The following FLAD1 variants were observed in gnomAD, a reference collection of about 807,000 sequenced individuals.
The protein encoded by FLAD1 is flavin adenine dinucleotide synthetase 1, also known as bifunctional FAD diphosphatase/FAD synthase.
FLAD1 carries 35 observed loss-of-function variants against 55.0 expected under a neutral mutation model. That is an observed-to-expected ratio of 0.64 (90% CI 0.49 to 0.84). FLAD1 has a LOEUF of 0.84. FLAD1 is among the 40% of genes least tolerant of loss of function. FLAD1 has a pLI of 0.00. For missense variants in FLAD1, 665 were observed against 742.6 expected (o/e 0.90, Z 1.21); for synonymous variants, 267 against 303.0 (o/e 0.88, Z 1.23).
At chr1:154,991,230 ATATATATATATG>A (rs1303474570) in intron 5 of FLAD1, 9 of 127,438 alleles carry the variant, frequency 7.1e-5, no homozygotes, top group Non-Finnish European at 1.3e-4. Flanking sequence ...AAAAAAATAT[ATATATATATATG>A]TATATATATA....
intron 1 of FLAD1, 132 bp downstream of exon 1, chr1:154,984,198 C>T (rs1657460489): frequency 1.4e-6 from 1 of 738,402 alleles, no homozygotes; most frequent in Non-Finnish European, 1.9e-6. Flanking sequence ...TGGAGTGAAT[C>T]CAGCATATTG....
At chr1:154,985,123 C>T (rs1343628620) in intron 1 of FLAD1, among the ~76,000 whole-genome samples, 3 of 146,836 alleles carry the variant, frequency 2.0e-5, no homozygotes, top group Non-Finnish European at 1.5e-5. Flanking sequence ...TCAAGCAATC[C>T]TCCCACACCT....
rs761846561 is a variant in FLAD1, at chr1:154,990,250, A to C, written c.1357A>C (p.Ile453Leu). The change falls in exon 4 of 7, where the codon ATC (isoleucine) becomes CTC (leucine). Residue 453 changes from isoleucine (I) to leucine (L), a missense_variant. Transcript: ENST00000292180. ...PELEQFLQDT[I>L]KRYNLQMLEA... ...GCTGGAACAGTTTCTACAGGACACT[A>C]TCAAGAGGTACTAGGGGCCTGGAGG... 1.9e-6 allele frequency: 3 copies of C among 1,613,864 alleles called. No homozygotes were observed. The highest frequency in any genetic ancestry group is 2.5e-6 in the Non-Finnish European group (3 of 1,179,880).
At chr1:154,985,547 C>T (rs1258927470) in intron 1 of FLAD1, among the ~76,000 whole-genome samples, 1 of 151,664 alleles carries the variant, frequency 6.6e-6, no homozygotes, top group African/African-American at 2.4e-5. Context: ...GGACTACAGG[C>T]ATGTGCCACC....
chr1:154,988,151 G>C lies in FLAD1; in HGVS notation c.419G>C (p.Arg140Pro). The change falls in exon 2 of 7, where the codon CGC becomes CCC. Residue 140 changes from arginine (R) to proline (P), a missense_variant. By Grantham distance (103) the Arg-to-Pro change is moderately radical. Coordinates refer to ENST00000292180, the MANE Select transcript of FLAD1 (RefSeq NM_025207.5). ...TNTFFLCRTL[R>P]SLGVQVCRVS... is the part of the protein sequence containing the mutation. ...ACCTTCTTTCTGTGCCGGACACTGC[G>C]CTCCCTAGGGGTCCAGGTTTGCCGA... 6.2e-7 allele frequency: 1 copy of C among 1,614,176 alleles called. No homozygotes were observed. Among genetic ancestry groups the C allele is most frequent in the Non-Finnish European group, 8.5e-7 (1 of 1,180,044 alleles).
chr1:154,983,734 G>A lies in FLAD1; in HGVS notation c.40G>A (p.Glu14Lys), dbSNP rs768761180. The A allele has an allele frequency of 6.2e-6, 10 of 1,613,902 alleles. No homozygotes were observed. In the African/African-American group the frequency reaches 1.1e-4, roughly 17 times the overall value. ...GGGAACACGTTTATTCCAGAGGCAGGAACAAAGGAGTCGCTTGTCAAGGAT... is the reference window on the plus strand; with the variant it reads ...GGGAACACGTTTATTCCAGAGGCAGAAACAAAGGAGTCGCTTGTCAAGGAT... ...DLGTRLFQRQ[E>K]QRSRLSRIWL... Residue 14 changes from glutamate (E) to lysine (K), a missense_variant, in exon 1 of 7, where the codon GAA (glutamate) becomes AAA (lysine). Transcript: ENST00000292180.
rs1337231117 is a variant in FLAD1 at position 154,989,670 on chromosome 1, A to G, written c.1228A>G (p.Thr410Ala). The G allele has an allele frequency of 8.2e-6, 13 of 1,586,484 alleles. No homozygotes were observed. Among genetic ancestry groups the G allele is most frequent in the East Asian group, 4.6e-5 (2 of 43,624 alleles). Residue 410 changes from threonine to alanine, a missense_variant, in exon 3 of 7, where the codon ACT becomes GCT. Transcript: ENST00000292180. ...GGGCTTCAACGGGGGCAAAGACTGCACTGCCCTCCTGCACCTCTTCCATGC... is the reference window on the plus strand; with the variant it reads ...GGGCTTCAACGGGGGCAAAGACTGCGCTGCCCTCCTGCACCTCTTCCATGC... Reference protein sequence around the residue: ...CVGFNGGKDCTALLHLFHAAV... With the variant: ...CVGFNGGKDCAALLHLFHAAV...
At position 154,992,884 on chromosome 1, in the gene FLAD1, C is replaced by T; in HGVS notation, c.1629-18C>T. 1.2e-6 allele frequency: 2 copies of T among 1,614,032 alleles called. No homozygotes were observed. The highest frequency in any genetic ancestry group is 1.7e-6 in the Non-Finnish European group (2 of 1,179,976). On this transcript the variant is annotated intron_variant, in intron 6 of 6. Transcript: ENST00000292180. ...GCCCACCCTACCACATGCTTGCCCTCCACCCTCCCTGCTCCAGATACACAT... is the reference window on the plus strand; with the variant it reads ...GCCCACCCTACCACATGCTTGCCCTTCACCCTCCCTGCTCCAGATACACAT...
intron 2 of FLAD1, 125 bp from the exon 3 acceptor site, chr1:154,989,435 G>T: frequency 9.6e-7 from 1 of 1,043,394 alleles, no homozygotes. Flanking sequence ...GCATGAAGGA[G>T]TTTGGACTTT....
Position 154,992,975 on chromosome 1 carries a change from C to G in FLAD1, c.1702C>G (p.Pro568Ala). ...GAAGTGCCTGAGCCCAGGAGGACAC[C>G]CCACATACCGTCCAGCCTATCTACT... is the stretch of plus-strand genomic sequence containing the variant. ...ALKCLSPGGH[P>A]TYRPAYLLEN... is the part of the protein sequence containing the mutation. Residue 568 changes from proline to alanine, a missense_variant, in exon 7 of 7, where the codon CCC becomes GCC. By Grantham distance (27) the Pro-to-Ala change is conservative. Transcript: ENST00000292180. The G allele has an allele frequency of 6.2e-7, 1 of 1,614,020 alleles. No individual in the cohort carries two copies. Among genetic ancestry groups the G allele is most frequent in the Non-Finnish European group, 8.5e-7 (1 of 1,179,996 alleles).
At position 154,990,411 on chromosome 1, in the gene FLAD1, C is replaced by G. The variant is rs1332278485; in HGVS notation, c.1437C>G (p.Pro479=). 2 of 1,614,140 alleles carry G rather than the reference C, an allele frequency of 1.2e-6. No individual in the cohort carries two copies. The highest frequency in any genetic ancestry group is 1.7e-6 in the Non-Finnish European group (2 of 1,180,016). ...QALGELQARH[P]QLEAVLMGTR... ...TGGGTGAACTGCAGGCACGGCACCC[C>G]CAGCTGGAGGCTGTCCTTATGGGCA... Residue 479 remains proline, a synonymous_variant, in exon 5 of 7, where the codon CCC becomes CCG. Coordinates refer to ENST00000292180, the MANE Select transcript of FLAD1 (RefSeq NM_025207.5).
At chr1:154,992,822 T>C in intron 6 of FLAD1, 36 bp downstream of exon 6, 1 of 1,613,102 alleles carries the variant, frequency 6.2e-7, no homozygotes, top group Non-Finnish European at 8.5e-7. Flanking sequence ...GGTAAGGGAG[T>C]TTTTAGGGTG....
At position 154,988,255 on chromosome 1, in the gene FLAD1, A is replaced by G. The variant is rs752662832; in HGVS notation, c.523A>G (p.Thr175Ala). 1 of 1,614,162 alleles carries G rather than the reference A, an allele frequency of 6.2e-7. No homozygotes were observed. The highest frequency in any genetic ancestry group is 8.5e-7 in the Non-Finnish European group (1 of 1,180,010). Residue 175 changes from threonine (T) to alanine (A), a missense_variant, in exon 2 of 7, where the codon ACA (threonine) becomes GCA (alanine). Thr to Ala is a moderately conservative substitution (Grantham distance 58). Transcript: ENST00000292180. Reference sequence around the variant, plus strand: ...CTCCAACCGCTTCACCCATGTCCTCACAGCAGGGGGCATCGGCCCCACTCA... The same window carrying G: ...CTCCAACCGCTTCACCCATGTCCTCGCAGCAGGGGGCATCGGCCCCACTCA... ...SFSNRFTHVL[T>A]AGGIGPTHDD...
At position 154,983,907 on chromosome 1, in the gene FLAD1, C is replaced by A; in HGVS notation, c.213C>A (p.Gly71=). ...YGPQCPVDLA[G]PPCLRPLFGG... ...CCCAGTGCCCTGTAGACCTGGCAGGCCCCCCGTGCTTGCGACCCCTATTTG... is the reference window on the plus strand; with the variant it reads ...CCCAGTGCCCTGTAGACCTGGCAGGACCCCCGTGCTTGCGACCCCTATTTG... Residue 71 remains glycine, a synonymous_variant, in exon 1 of 7, where the codon GGC becomes GGA. Coordinates refer to ENST00000292180, the MANE Select transcript of FLAD1 (RefSeq NM_025207.5). The A allele has an allele frequency of 6.2e-7, 1 of 1,611,532 alleles. No homozygotes were observed. Among genetic ancestry groups the A allele is most frequent in the Non-Finnish European group, 8.5e-7 (1 of 1,178,522 alleles).
At chr1:154,988,905 A>C (rs1253168862) in intron 2 of FLAD1, 56 bp downstream of exon 2, 4 of 1,607,280 alleles carry the variant, frequency 2.5e-6, no homozygotes, top group Non-Finnish European at 3.4e-6. Flanking sequence ...GGCACCCCAG[A>C]TCTCAGTAAT....
chr1:154,992,330 C>G (rs1657912328), intron 5 of FLAD1, among the ~76,000 whole-genome samples: 1 of 151,050 alleles, frequency 6.6e-6, no homozygotes, highest in South Asian at 2.1e-4. Flanking sequence ...GTAGTGCCAG[C>G]TACTCGGGAG....
chr1:154,991,198 C>G (rs1327816579), intron 5 of FLAD1: 1 of 96,868 alleles, frequency 1.0e-5, no homozygotes, highest in East Asian at 3.1e-4. Flanking sequence ...CAGAACAAGA[C>G]TCTGTCTCAA....
chr1:154,988,102 C>A lies in FLAD1; in HGVS notation c.373-3C>A, dbSNP rs375023842. On this transcript the variant is annotated splice_polypyrimidine_tract_variant and splice_region_variant and intron_variant, in intron 1 of 6. Coordinates refer to ENST00000292180, the MANE Select transcript of FLAD1 (RefSeq NM_025207.5). ...TGGCCTCATCTTCCCCTTCAACCCC[C>A]AGGGACACACTCAGGACACCAACAC... 2.5e-6 allele frequency: 4 copies of A among 1,614,082 alleles called. No homozygotes were observed. The African/African-American group carries it at 5.3e-5, about 22-fold the overall frequency.
Position 154,990,524 on chromosome 1 carries a change from T to C in FLAD1, c.1550T>C (p.Leu517Pro). 6.3e-7 allele frequency: 1 copy of C among 1,598,178 alleles called. No individual in the cohort carries two copies. The highest frequency in any genetic ancestry group is 8.5e-7 in the Non-Finnish European group (1 of 1,170,886). ...CCCGCATTCATGCGCATCAACCCAC[T>C]GCTGGTAATGGGGAAGAGGGTTTAT... ...GWPAFMRINP[L>P]LDWTYRDIWD... Residue 517 changes from leucine (L) to proline (P), a missense_variant, in exon 5 of 7, where the codon CTG becomes CCG. Coordinates refer to ENST00000292180, the MANE Select transcript of FLAD1 (RefSeq NM_025207.5).
Sources: allele counts gnomAD v4.1 joint callset (sites outside exome capture counted in the v4.1 genomes callset), GRCh38; gene constraint gnomAD v4.1.1; transcripts MANE v1.5; gene names NCBI Gene and HGNC (gene_info 2026-07-23, HGNC 2026-07-21).